TCF12: variants seen among roughly 807,000 people sequenced by gnomAD.
The protein encoded by TCF12 is DNA-binding protein HTF4.
Under a neutral mutation model 86.0 loss-of-function variants are expected in TCF12, and 45 were observed. That is an observed-to-expected ratio of 0.52 (90% CI 0.41 to 0.67). The LOEUF (loss-of-function observed/expected upper bound fraction) is 0.67, where lower values mean the gene tolerates loss of function less well. Among genes scored for constraint, TCF12 ranks in the 30% least tolerant of loss-of-function variants. TCF12 has a pLI of 0.00. For missense variants in TCF12, 881 were observed against 859.9 expected (o/e 1.02, Z -0.31); for synonymous variants, 330 against 299.6 (o/e 1.10, Z -1.05).
At chr15:56,985,783 C>G (rs1188720186) in intron 3 of TCF12, among the ~76,000 whole-genome samples, 1 of 152,050 alleles carries the variant, frequency 6.6e-6, no homozygotes, top group Admixed American at 6.6e-5. Flanking sequence ...GTGTTTAATT[C>G]TGAGTAATTG....
intron 8 of TCF12, chr15:57,219,394 G>A (rs2058473585): frequency 1.1e-5 from 15 of 1,334,668 alleles, no homozygotes; most frequent in Non-Finnish European, 1.5e-5. Flanking sequence ...TTTTGCATAA[G>A]TTCCTTTTGA....
intron 8 of TCF12, among the ~76,000 whole-genome samples, chr15:57,211,724 C>G (rs1270156299): frequency 6.6e-6 from 1 of 152,184 alleles, no homozygotes; most frequent in Non-Finnish European, 1.5e-5. Flanking sequence ...GAAGTCGAGG[C>G]TGGCAGATCG....
chr15:57,131,763 T>C (rs1164435736), intron 5 of TCF12, among the ~76,000 whole-genome samples: 1 of 152,230 alleles, frequency 6.6e-6, no homozygotes. Context: ...CAAGGTCCTC[T>C]CTAATCGTTC....
chr15:57,063,703 A>G (rs1447325607), intron 3 of TCF12, 47 bp from the exon 4 acceptor site: 13 of 1,546,814 alleles, frequency 8.4e-6, no homozygotes, highest in Non-Finnish European at 1.2e-5. Context: ...AAAAAAATCC[A>G]CAAAAGTATG....
chr15:57,219,438 C>CT, intron 8 of TCF12: 1 of 1,521,882 alleles, frequency 6.6e-7, no homozygotes, highest in Non-Finnish European at 8.9e-7. Context: ...GTACTGAAGA[C>CT]TTACTCCCTT....
rs1280283352 is a variant in TCF12 at position 57,273,058 on chromosome 15, C to T, written c.1774C>T (p.Pro592Ser). 6.8e-6 allele frequency: 11 copies of T among 1,614,056 alleles called. No individual in the cohort carries two copies. The East Asian group carries it at 2.5e-4, about 36-fold the overall frequency. ...SSTNEDEDLN[P>S]EQKIEREKER... ...TACTAATGAAGATGAGGATTTGAAC[C>T]CTGAACAGAAGATAGAAAGGGAGAA... The change falls in exon 19 of 21, where the codon CCT (proline) becomes TCT (serine). Residue 592 changes from proline (P) to serine (S), a missense_variant. Physicochemically the swap from Pro to Ser is moderately conservative, Grantham distance 74. Transcript: ENST00000333725.
At chr15:56,970,471 C>A in intron 3 of TCF12, among the ~76,000 whole-genome samples, 1 of 89,808 alleles carries the variant, frequency 1.1e-5, no homozygotes, top group Admixed American at 1.6e-4. Flanking sequence ...CAGAGCGAGA[C>A]TCCATCTCAA....
chr15:57,155,900 A>G (rs2054080044), intron 5 of TCF12, among the ~76,000 whole-genome samples: 1 of 152,188 alleles, frequency 6.6e-6, no homozygotes, highest in Non-Finnish European at 1.5e-5. Context: ...TTACCATTTG[A>G]TGGCTATTTA....
Position 57,063,628 on chromosome 15 carries a change from GAT to G in TCF12, c.149-120_149-119del. The G allele has an allele frequency of 9.7e-6, 6 of 618,404 alleles. No individual in the cohort carries two copies. The South Asian group carries it at 2.0e-4, about 20-fold the overall frequency. The allele number at this position is 618,404 out of a possible 1,614,324, so 38.3% of individuals were successfully genotyped here. ...TTTACAGGTTTCTGAAGCAAGGATT[GAT>G]ACTTAGCTCTTCCACGAAAGCGCAA... On this transcript the variant is annotated intron_variant, in intron 3 of 20. Coordinates refer to ENST00000333725, the MANE Select transcript of TCF12 (RefSeq NM_207037.2).
At chr15:57,209,836 A>C (rs1409799358) in intron 8 of TCF12, among the ~76,000 whole-genome samples, 1 of 151,916 alleles carries the variant, frequency 6.6e-6, no homozygotes. Flanking sequence ...CCCCTCCCTT[A>C]CTTCACTCTA....
intron 5 of TCF12, among the ~76,000 whole-genome samples, chr15:57,153,640 ATGTATAT>A (rs1467214234): frequency 2.6e-5 from 4 of 152,222 alleles, no homozygotes; most frequent in African/African-American, 9.7e-5. Flanking sequence ...TCTGTTAAAG[ATGTATAT>A]TGTAAACTGA....
intron 3 of TCF12, among the ~76,000 whole-genome samples, chr15:57,055,474 C>T (rs1380463025): frequency 6.6e-5 from 10 of 152,134 alleles, no homozygotes; most frequent in Admixed American, 6.5e-4. Flanking sequence ...CAAAGTTATA[C>T]TGGTAATGAG....
intron 3 of TCF12, among the ~76,000 whole-genome samples, chr15:56,932,621 T>G (rs1595732565): frequency 6.6e-6 from 1 of 151,954 alleles, no homozygotes; most frequent in Non-Finnish European, 1.5e-5. Context: ...CAGGCTGGAG[T>G]GCAATGGTGC....
chr15:56,942,300 T>A (rs1188747444), intron 3 of TCF12, among the ~76,000 whole-genome samples: 2 of 152,224 alleles, frequency 1.3e-5, no homozygotes, highest in Admixed American at 1.3e-4. Flanking sequence ...AAATGCCACT[T>A]TTTGGTGAAG....
At chr15:57,086,745 A>AAAATTTTTTAATAGAATTTT (rs1223320350) in intron 4 of TCF12, among the ~76,000 whole-genome samples, 2 of 151,304 alleles carry the variant, frequency 1.3e-5, no homozygotes, top group Non-Finnish European at 2.9e-5. Context: ...AAAGAATTGA[A>AAAATTTTTTAATAGAATTTT]AAATTTTTTA....
chr15:57,080,851 G>A (rs181420550), intron 4 of TCF12, among the ~76,000 whole-genome samples: 22 of 152,212 alleles, frequency 1.4e-4, no homozygotes, highest in Non-Finnish European at 2.1e-4. Flanking sequence ...TGGCTCTGAC[G>A]CTGTAGAAAT....
intron 3 of TCF12, among the ~76,000 whole-genome samples, chr15:56,975,111 C>T (rs550138126): frequency 6.6e-6 from 1 of 152,128 alleles, no homozygotes; most frequent in African/African-American, 2.4e-5. Flanking sequence ...CAATATATAG[C>T]AAACATTTTT....
chr15:57,271,752 T>C (rs191034706), intron 18 of TCF12, among the ~76,000 whole-genome samples: 1 of 152,236 alleles, frequency 6.6e-6, no homozygotes, highest in East Asian at 1.9e-4. Context: ...GTATTTTTTT[T>C]AAGTATTTTG....
intron 5 of TCF12, among the ~76,000 whole-genome samples, chr15:57,155,027 C>T (rs1312086218): frequency 2.6e-5 from 4 of 152,298 alleles, no homozygotes; most frequent in Admixed American, 1.3e-4. Flanking sequence ...CTATTTTTAT[C>T]CTTGTTTCAC....
Sources: allele counts gnomAD v4.1 joint callset (sites outside exome capture counted in the v4.1 genomes callset), GRCh38; gene constraint gnomAD v4.1.1; transcripts MANE v1.5; gene names NCBI Gene and HGNC (gene_info 2026-07-23, HGNC 2026-07-21).